ZNF827: variants seen among roughly 807,000 people sequenced by gnomAD.
ZNF827 encodes zinc finger protein 827.
ZNF827 carries 13 observed loss-of-function variants against 102.4 expected under a neutral mutation model. The observed-to-expected ratio is 0.13, with a 90% CI of 0.08 to 0.20. The LOEUF is 0.20. Ranked by LOEUF, ZNF827 falls within the 10% of genes least tolerant of loss-of-function variation. ZNF827 has a pLI of 1.00. For missense variants in ZNF827, 1,103 were observed against 1,344.4 expected, an observed-to-expected ratio of 0.82 and a Z score of 2.81; for synonymous variants, 523 against 536.2, an observed-to-expected ratio of 0.98 and a Z score of 0.34.
intron 8 of ZNF827, among the ~76,000 whole-genome samples, chr4:145,784,095 T>C (rs1738501455): frequency 6.6e-6 from 1 of 152,178 alleles, no homozygotes; most frequent in African/African-American, 2.4e-5. Context: ...CTTTCCACTA[T>C]GATGGAAAGT....
intron 5 of ZNF827, among the ~76,000 whole-genome samples, chr4:145,861,637 ATTC>A (rs984419445): frequency 1.7e-4 from 26 of 152,118 alleles, no homozygotes; most frequent in African/African-American, 6.0e-4. Context: ...GTCATTCTTA[ATTC>A]TTTTGCTCCA....
At chr4:145,801,644 C>A (rs146408961) in intron 8 of ZNF827, among the ~76,000 whole-genome samples, 29 of 152,266 alleles carry the variant, frequency 1.9e-4, no homozygotes, top group Middle Eastern at 6.8e-3. Flanking sequence ...ATCCCCAGCA[C>A]CTTTGGCATA....
intron 1 of ZNF827, among the ~76,000 whole-genome samples, chr4:145,931,063 A>C (rs901099346): frequency 6.6e-6 from 1 of 152,194 alleles, no homozygotes; most frequent in Admixed American, 6.5e-5. Flanking sequence ...GTCACACACT[A>C]TTCTCCAATA....
intron 8 of ZNF827, among the ~76,000 whole-genome samples, chr4:145,823,192 C>CA (rs1743321913): frequency 6.6e-6 from 1 of 152,146 alleles, no homozygotes; most frequent in Admixed American, 6.5e-5. Flanking sequence ...GAAATATCAG[C>CA]AGGTAAAGAA....
In ZNF827 at chr4:145,851,700, C is replaced by A. The variant is rs564218582; in HGVS notation, c.1982-2139G>T. Reference sequence around the variant, plus strand: ...TGGTATTTACTTTAGATCCCTCCCCCCTTTCCCTACTCCTGCCAAGCTGTT... The same window carrying A: ...TGGTATTTACTTTAGATCCCTCCCCACTTTCCCTACTCCTGCCAAGCTGTT... On this transcript the variant is annotated intron_variant, in intron 5 of 14. Transcript: ENST00000508784. 2.0e-5 allele frequency among the ~76,000 whole-genome samples: 3 copies of A among 152,194 alleles called. No individual in the cohort carries two copies. The East Asian group carries it at 5.8e-4, about 29-fold the overall frequency.
rs145750513 is a variant in ZNF827, at chr4:145,771,485, G to A, written c.2860+3021C>T. On this transcript the variant is annotated intron_variant, in intron 11 of 14. Coordinates refer to ENST00000508784, the MANE Select transcript of ZNF827 (RefSeq NM_001306215.2). Reference sequence around the variant, plus strand: ...CAAATAGCCATTCAGATTCCTCAATGCCATTTATTGCAACATTTAGAAATT... The same window carrying A: ...CAAATAGCCATTCAGATTCCTCAATACCATTTATTGCAACATTTAGAAATT... Among the ~76,000 whole-genome samples, 353 of 152,304 alleles carry A rather than the reference G, an allele frequency of 2.3e-3. 6 individuals are homozygous for A. In the South Asian group the frequency reaches 0.027, roughly 12 times the overall value.
chr4:145,889,554 CTT>C (rs36000739), intron 3 of ZNF827, among the ~76,000 whole-genome samples: 7 of 136,742 alleles, frequency 5.1e-5, no homozygotes, highest in Admixed American at 1.5e-4. Flanking sequence ...ACTGACCCCA[CTT>C]TTTTTTTTTT....
chr4:145,760,901 T>C lies in ZNF827; in HGVS notation c.*715A>G. On this transcript the variant is annotated 3_prime_UTR_variant, in exon 15 of 15. Coordinates refer to ENST00000508784, the MANE Select transcript of ZNF827 (RefSeq NM_001306215.2). ...TGGAATGTGAGATCCAAGTGGTTCT[T>C]GGGGTATAACATTGTCAAGGGAATG... is the stretch of plus-strand genomic sequence containing the variant. The C allele has an allele frequency of 8.1e-7, 1 of 1,232,974 alleles. No homozygotes were observed. Among genetic ancestry groups the C allele is most frequent in the South Asian group, 1.4e-5 (1 of 70,630 alleles). 76.4% of individuals were successfully genotyped at this position (1,232,974 alleles called of 1,614,324 possible). A position where few individuals can be genotyped will look rare whatever the true frequency, so the allele number is the denominator to read the frequency against.
chr4:145,854,500 G>A (rs1035049195), intron 5 of ZNF827, among the ~76,000 whole-genome samples: 1 of 152,140 alleles, frequency 6.6e-6, no homozygotes, highest in East Asian at 1.9e-4. Flanking sequence ...AGGAGGCTCT[G>A]CAGGTGCCAC....
intron 2 of ZNF827, among the ~76,000 whole-genome samples, chr4:145,901,008 G>A (rs752582452): frequency 4.4e-4 from 67 of 152,046 alleles, no homozygotes; most frequent in Non-Finnish European, 7.6e-4. Flanking sequence ...CATTTTCCTC[G>A]TTGTCTTCTG....
intron 5 of ZNF827, among the ~76,000 whole-genome samples, chr4:145,860,423 G>C (rs2126711972): frequency 6.6e-6 from 1 of 152,294 alleles, no homozygotes; most frequent in Middle Eastern, 3.4e-3. Context: ...TTAGGGCAAG[G>C]GTGGGTTTAT....
chr4:145,803,735 C>G (rs530962554), intron 8 of ZNF827, among the ~76,000 whole-genome samples: 9 of 152,288 alleles, frequency 5.9e-5, no homozygotes, highest in Admixed American at 2.0e-4. Context: ...CTGGCAATAT[C>G]ATTTAGCTTG....
chr4:145,906,429 T>TG (rs1312371531), intron 1 of ZNF827, among the ~76,000 whole-genome samples: 2 of 152,236 alleles, frequency 1.3e-5, no homozygotes, highest in Non-Finnish European at 1.5e-5. Context: ...TCTTCTTTGT[T>TG]GGAGTCGGTC....
At chr4:145,872,010 G>A (rs1284726299) in intron 4 of ZNF827, among the ~76,000 whole-genome samples, 1 of 152,012 alleles carries the variant, frequency 6.6e-6, no homozygotes. Context: ...CCTTCCAATC[G>A]GCTCAAATAC....
chr4:145,805,608 C>T (rs1288361801), intron 8 of ZNF827, among the ~76,000 whole-genome samples: 1 of 152,144 alleles, frequency 6.6e-6, no homozygotes, highest in Non-Finnish European at 1.5e-5. Context: ...ATTATTTGGG[C>T]TTTAAAGATT....
intron 5 of ZNF827, among the ~76,000 whole-genome samples, chr4:145,866,621 A>G (rs1056910689): frequency 4.6e-5 from 7 of 152,198 alleles, no homozygotes; most frequent in Non-Finnish European, 7.4e-5. Context: ...AGAAATGTAA[A>G]CGTTTAATTT....
intron 8 of ZNF827, among the ~76,000 whole-genome samples, chr4:145,784,637 A>G (rs1738587683): frequency 6.6e-6 from 1 of 152,230 alleles, no homozygotes; most frequent in African/African-American, 2.4e-5. Context: ...ATGAAGCATA[A>G]TATTTGTAAA....
chr4:145,929,253 T>A (rs558418204), intron 1 of ZNF827, among the ~76,000 whole-genome samples: 1 of 152,338 alleles, frequency 6.6e-6, no homozygotes, highest in East Asian at 1.9e-4. Context: ...TTTCCTTCTT[T>A]CTGTGTAAAT....
At chr4:145,914,611 C>T (rs1449656736) in intron 1 of ZNF827, among the ~76,000 whole-genome samples, 2 of 152,156 alleles carry the variant, frequency 1.3e-5, no homozygotes, top group African/African-American at 2.4e-5. Context: ...ACACAGAAGT[C>T]AACAATAGAG....
Sources: allele counts gnomAD v4.1 joint callset (sites outside exome capture counted in the v4.1 genomes callset), GRCh38; gene constraint gnomAD v4.1.1; transcripts MANE v1.5; gene names NCBI Gene and HGNC (gene_info 2026-07-23, HGNC 2026-07-21).